ZNF226: variants seen among roughly 807,000 people sequenced by gnomAD.
The protein encoded by ZNF226 is zinc finger protein 226.
In ZNF226, 6 loss-of-function variants were observed where a neutral mutation model predicts 11.4. The observed-to-expected ratio is 0.53, with a 90% CI of 0.29 to 1.04. ZNF226 has a LOEUF of 1.04. Among genes scored for constraint, ZNF226 ranks in the 50% least tolerant of loss-of-function variants. The pLI is 0.08. For missense variants in ZNF226, 1,058 were observed against 956.5 expected, an observed-to-expected ratio of 1.11 and a Z score of -1.40; for synonymous variants, 350 against 322.8, an observed-to-expected ratio of 1.08 and a Z score of -0.90.
chr19:44,177,065 T>C lies in ZNF226; in HGVS notation c.1803T>C (p.Asp601=). 1 of 1,613,998 alleles carries C rather than the reference T, an allele frequency of 6.2e-7. No homozygotes were observed. The highest frequency in any genetic ancestry group is 1.1e-5 in the South Asian group (1 of 91,074). ...ECGKGFSRRA[D]LKIHCRIHTG... ...GCAAGGGATTTAGTCGTAGAGCAGA[T>C]CTTAAAATTCACTGTAGGATCCACA... Residue 601 remains aspartate (D), a synonymous_variant, in exon 6 of 6, where the codon GAT becomes GAC. Coordinates refer to ENST00000337433, the MANE Select transcript of ZNF226 (RefSeq NM_001032373.2).
At position 44,176,843 on chromosome 19, in the gene ZNF226, A is replaced by T. The variant is rs10413887; in HGVS notation, c.1581A>T (p.Gly527=). Residue 527 remains glycine (G), a synonymous_variant, in exon 6 of 6, where the codon GGA becomes GGT. Transcript: ENST00000337433. ...AAGTTCATCTAGTGGTCCACACAGG[A>T]GAGAAACCCTATAAATGTGAGATAT... is the stretch of plus-strand genomic sequence containing the variant. The part of the protein sequence containing the change: ...HYQVHLVVHT[G]EKPYKCEICG... The T allele has an allele frequency of 6.2e-7, 1 of 1,614,160 alleles. No individual in the cohort carries two copies.
intron 4 of ZNF226, 158 bp downstream of exon 4, chr19:44,172,372 A>G (rs1303627500): frequency 1.0e-6 from 1 of 956,506 alleles, no homozygotes; most frequent in Admixed American, 2.9e-5. Context: ...AGAATATTTT[A>G]GGTCTTTTTC....
chr19:44,177,375 G>C lies in ZNF226; in HGVS notation c.2113G>C (p.Gly705Arg), dbSNP rs759307403. Residue 705 changes from glycine to arginine, a missense_variant, in exon 6 of 6, where the codon GGT becomes CGT. Gly to Arg is a moderately radical substitution (Grantham distance 125, BLOSUM62 -2). Transcript: ENST00000337433. The stretch of plus-strand genomic sequence containing the variant: ...AAAACCATATAAATGTGGGGAGTGT[G>C]GTAAGTACTTCAGTCAGGCCTCAAG... ...GEKPYKCGEC[G>R]KYFSQASSLQ... 16 of 1,613,864 alleles carry C rather than the reference G, an allele frequency of 9.9e-6. No individual in the cohort carries two copies. The highest frequency in any genetic ancestry group is 1.4e-5 in the Non-Finnish European group (16 of 1,179,998).
At chr19:44,187,109 C>G in the ZNF226 span, among the ~76,000 whole-genome samples, 5 of 151,924 alleles carry the variant, frequency 3.3e-5, no homozygotes, top group Non-Finnish European at 5.9e-5. This position sits in a 1 kb window ranked among gnomAD's most constrained non-coding sequence, Gnocchi z 4.0. Context: ...CTTTTGGTAT[C>G]AGGTTAATGA....
At chr19:44,185,448 G>A in the ZNF226 span, among the ~76,000 whole-genome samples, 2 of 152,090 alleles carry the variant, frequency 1.3e-5, no homozygotes, top group South Asian at 4.1e-4. Context: ...CACAATAGTG[G>A]GTGTGAGGTG....
chr19:44,176,816 T>A lies in ZNF226; in HGVS notation c.1554T>A (p.Tyr518Ter). 4 of 1,614,024 alleles carry A rather than the reference T, an allele frequency of 2.5e-6. 1 individual carries two copies. The South Asian group carries it at 4.4e-5, about 18-fold the overall frequency. ...AGAGCTTCAGGAGGAATTCCCATTA[T>A]CAAGTTCATCTAGTGGTCCACACAG... ...CGKSFRRNSH[Y>*]QVHLVVHTGE... is the part of the protein sequence containing the mutation. Residue 518 changes from tyrosine (Y) to a stop codon, truncating the protein, a stop_gained, in exon 6 of 6, where the codon TAT (tyrosine) becomes TAA (stop). Coordinates refer to ENST00000337433, the MANE Select transcript of ZNF226 (RefSeq NM_001032373.2). LOFTEE classifies it low-confidence loss of function (END_TRUNC).
chr19:44,189,613 A>C, the ZNF226 span, among the ~76,000 whole-genome samples: 1 of 152,256 alleles, frequency 6.6e-6, no homozygotes, highest in Non-Finnish European at 1.5e-5. Flanking sequence ...AAAGATCTAC[A>C]GTTGGCATAA....
chr19:44,172,544 C>G lies in ZNF226; in HGVS notation c.143-316C>G. 2 of 423,606 alleles carry G rather than the reference C, an allele frequency of 4.7e-6. 1 individual carries two copies. The highest frequency in any genetic ancestry group is 8.4e-6 in the Non-Finnish European group (2 of 239,458). The allele number at this position is 423,606 out of a possible 1,614,324, so 26.2% of individuals were successfully genotyped here. ...TAAAATAGGGTAGAAAATACTAGAA[C>G]TCCTTAGGAAGAATGGCACACACTG... On this transcript the variant is annotated intron_variant, in intron 4 of 5. Coordinates refer to ENST00000337433, the MANE Select transcript of ZNF226 (RefSeq NM_001032373.2).
At chr19:44,178,366 G>A (rs577907655), downstream of ZNF226, 3 of 152,290 alleles carry the variant, frequency 2.0e-5, no homozygotes, top group South Asian at 6.2e-4. Context: ...ACACTGTTAA[G>A]GCAGGGGTTT....
At chr19:44,175,423 CTCTG>C (rs1281297702) in intron 5 of ZNF226, 71 bp from the exon 6 acceptor site, 11 of 1,501,992 alleles carry the variant, frequency 7.3e-6, no homozygotes, top group Admixed American at 2.5e-5. Context: ...AAGTCTTTTA[CTCTG>C]TCCTCAGTGT....
chr19:44,180,197 A>G (rs1302191369), downstream of ZNF226, among the ~76,000 whole-genome samples: 2 of 152,144 alleles, frequency 1.3e-5, no homozygotes, highest in East Asian at 3.9e-4. Flanking sequence ...TCCCTGAGGA[A>G]AAGATGTGCG....
intron 4 of ZNF226, 42 bp from the exon 5 acceptor site, chr19:44,172,818 C>T (rs571897887): frequency 6.6e-7 from 1 of 1,513,308 alleles, no homozygotes; most frequent in African/African-American, 1.4e-5. Flanking sequence ...TATTTTAACT[C>T]TAATATGTTC....
Position 44,177,442 on chromosome 19 carries a change from AC to A in ZNF226, c.2181del (p.Tyr727Ter), listed in dbSNP as rs1413391605. 6.2e-7 allele frequency: 1 copy of A among 1,614,222 alleles called. No homozygotes were observed. The highest frequency in any genetic ancestry group is 8.5e-7 in the Non-Finnish European group (1 of 1,180,042). ...AGTGTCCACACAGGAGAGAAACCAT[AC>A]AAATGTGATGTGTGTGGTAAAGTCT... is the stretch of plus-strand genomic sequence containing the variant. ...HQSVHTGEKP[Y>X]KCDVCGKVFS... On this transcript the variant is annotated frameshift_variant, in exon 6 of 6. Transcript: ENST00000337433. LOFTEE classifies it low-confidence loss of function (END_TRUNC).
intron 3 of ZNF226, 94 bp downstream of exon 3, chr19:44,170,189 A>G: frequency 2.3e-6 from 3 of 1,321,836 alleles, no homozygotes; most frequent in Non-Finnish European, 3.2e-6. Context: ...GAGTCAAGGC[A>G]TCTGATGACC....
In ZNF226 at chr19:44,171,985, A is replaced by G. The variant is rs1970148856; in HGVS notation, c.16-103A>G. The G allele has an allele frequency of 4.0e-6, 6 of 1,492,512 alleles. No individual in the cohort carries two copies. In the Admixed American group the frequency reaches 1.1e-4, roughly 27 times the overall value. The allele number at this position is 1,492,512 out of a possible 1,614,324, so 92.5% of individuals were successfully genotyped here. On this transcript the variant is annotated intron_variant, in intron 3 of 5. Transcript: ENST00000337433. ...AGACAGGAGAAGGGCTGGGAAATCT[A>G]CAAACGGCTGGGCATCCAGAACAAC...
chr19:44,174,452 ATGTT>A (rs776388139), intron 5 of ZNF226: 1 of 152,238 alleles, frequency 6.6e-6, no homozygotes, highest in Non-Finnish European at 1.5e-5. Flanking sequence ...TTCCCTCAAA[ATGTT>A]TGCACAGTTG....
At position 44,175,718 on chromosome 19, in the gene ZNF226, A is replaced by G; in HGVS notation, c.456A>G (p.Lys152=). The G allele has an allele frequency of 6.2e-7, 1 of 1,612,520 alleles. No individual in the cohort carries two copies. The highest frequency in any genetic ancestry group is 8.5e-7 in the Non-Finnish European group (1 of 1,179,446). ...AAGATGAGAACTATATAGTAAATAAAGCAGATGGTCCCAATAATACTGGGA... is the reference window on the plus strand; with the variant it reads ...AAGATGAGAACTATATAGTAAATAAGGCAGATGGTCCCAATAATACTGGGA... ...ISEDENYIVN[K]ADGPNNTGNP... Residue 152 remains lysine (K), a synonymous_variant, in exon 6 of 6, where the codon AAA becomes AAG. Coordinates refer to ENST00000337433, the MANE Select transcript of ZNF226 (RefSeq NM_001032373.2).
chr19:44,175,517 GTTAA>G lies in ZNF226; in HGVS notation c.259_262del (p.Ile87LeufsTer24). On this transcript the variant is annotated frameshift_variant, in exon 6 of 6. Transcript: ENST00000337433. LOFTEE classifies it low-confidence loss of function (END_TRUNC). Reference sequence around the variant, plus strand: ...TTACAGGAGAGAAAAATCAAAGTAAGTTAATTACTGTTCAAGACAGAGAATCAGA... The same window carrying G: ...TTACAGGAGAGAAAAATCAAAGTAAGTTACTGTTCAAGACAGAGAATCAGA... 2 of 1,593,472 alleles carry G rather than the reference GTTAA, an allele frequency of 1.3e-6. No individual in the cohort carries two copies. The highest frequency in any genetic ancestry group is 1.7e-6 in the Non-Finnish European group (2 of 1,172,874).
At position 44,176,271 on chromosome 19, in the gene ZNF226, T is replaced by C. The variant is rs199895050; in HGVS notation, c.1009T>C (p.Cys337Arg). Residue 337 changes from cysteine to arginine, a missense_variant, in exon 6 of 6, where the codon TGT becomes CGT. Physicochemically the swap from Cys to Arg is radical, Grantham distance 180 (BLOSUM62 -3). Coordinates refer to ENST00000337433, the MANE Select transcript of ZNF226 (RefSeq NM_001032373.2). The part of the protein sequence containing the change: ...KVHVIEKPYK[C>R]KQCGKGFSRR... ...CCACGTGATAGAGAAACCATACAAA[T>C]GTAAGCAATGTGGGAAAGGTTTCAG... 13 of 1,614,010 alleles carry C rather than the reference T, an allele frequency of 8.1e-6. No homozygotes were observed. Among genetic ancestry groups the C allele is most frequent in the Non-Finnish European group, 1.1e-5 (13 of 1,180,020 alleles).
Sources: allele counts gnomAD v4.1 joint callset (sites outside exome capture counted in the v4.1 genomes callset), GRCh38; gene constraint gnomAD v4.1.1; non-coding constraint Gnocchi (gnomAD v3.1); transcripts MANE v1.5; gene names NCBI Gene and HGNC (gene_info 2026-07-23, HGNC 2026-07-21).